The following DNPH1 variants were observed in gnomAD, a reference collection of about 807,000 sequenced individuals.
DNPH1 encodes the protein 2'-deoxynucleoside 5'-phosphate N-hydrolase 1.
In DNPH1, 18 loss-of-function variants were observed where a neutral mutation model predicts 15.7. That is an observed-to-expected ratio of 1.15 (90% CI 0.79 to 1.70). The LOEUF is 1.70. Ranked by LOEUF, DNPH1 falls within the 40% of genes most tolerant of loss-of-function variation. The pLI, the probability that DNPH1 is intolerant of heterozygous loss-of-function variation, is 0.00. For synonymous variants in DNPH1, 114 were observed against 107.9 expected (o/e 1.06, Z -0.35); for missense variants, 262 against 255.2 (o/e 1.03, Z -0.18).
rs2233823 is a variant in DNPH1, at chr6:43,226,209, G to A, written c.266-66C>T. 148,759 of 1,603,580 alleles carry A rather than the reference G, an allele frequency of 0.093. 7,511 individuals are homozygous for A. Among genetic ancestry groups the A allele is most frequent in the Non-Finnish European group, 0.1 (121,468 of 1,176,046 alleles). On this transcript the variant is annotated intron_variant, in intron 2 of 3. Coordinates refer to ENST00000230431, the MANE Select transcript of DNPH1 (RefSeq NM_006443.3). The surrounding 1 kb of genome is among the most constrained non-coding windows in gnomAD (Gnocchi z 4.1). ...CTTGAGGTTCATAAGGAAGACGACG[G>A]TGTGGCTGTGGTGAGGAGGGAACTC...
In DNPH1 at chr6:43,226,486, G is replaced by A; in HGVS notation, c.197-91C>T. ...GTATGTCCATACCCACCCTGCTCAG[G>A]GAGGGTGGGAGCCTTGTGCCAGATG... On this transcript the variant is annotated intron_variant, in intron 1 of 3. Coordinates refer to ENST00000230431, the MANE Select transcript of DNPH1 (RefSeq NM_006443.3). This position sits in a 1 kb window ranked among gnomAD's most constrained non-coding sequence, Gnocchi z 4.1. 1.7e-6 allele frequency: 2 copies of A among 1,186,392 alleles called. No individual in the cohort carries two copies. The highest frequency in any genetic ancestry group is 2.6e-5 in the East Asian group (1 of 38,814). The allele number at this position is 1,186,392 out of a possible 1,614,324, so 73.5% of individuals were successfully genotyped here. A position where few individuals can be genotyped will look rare whatever the true frequency, so the allele number is the denominator to read the frequency against.
In DNPH1 at chr6:43,229,407, TC is replaced by T. The variant is rs1214173261; in HGVS notation, c.49del (p.Glu17SerfsTer78). The T allele has an allele frequency of 1.4e-6, 2 of 1,425,240 alleles. No individual in the cohort carries two copies. The highest frequency in any genetic ancestry group is 9.2e-7 in the Non-Finnish European group (1 of 1,085,838). The allele number at this position is 1,425,240 out of a possible 1,614,324, so 88.3% of individuals were successfully genotyped here. ...GAAGTACAGGGCCGGGCGGCCAGGC[TC>T]CCCGCGCTCCCAGCTCTCGCTGCGC... ...PGRSESWERGEPGRPALYFCG... is the reference protein window; with the variant it reads ...PGRSESWERGXPGRPALYFCG... On this transcript the variant is annotated frameshift_variant, in exon 1 of 4. Coordinates refer to ENST00000230431, the MANE Select transcript of DNPH1 (RefSeq NM_006443.3). LOFTEE classifies it high-confidence loss of function.
rs1300331488 is a variant in DNPH1 at position 43,229,425 on chromosome 6, T to C, written c.32A>G (p.Glu11Gly). MAAAMVPGRS[E>G]SWERGEPGRP... ...GCCAGGCTCCCCGCGCTCCCAGCTCTCGCTGCGCCCCGGCACCATGGCAGC... is the reference window on the plus strand; with the variant it reads ...GCCAGGCTCCCCGCGCTCCCAGCTCCCGCTGCGCCCCGGCACCATGGCAGC... Residue 11 changes from glutamate to glycine, a missense_variant, in exon 1 of 4, where the codon GAG becomes GGG. Glu to Gly is a moderately conservative substitution (Grantham distance 98). Coordinates refer to ENST00000230431, the MANE Select transcript of DNPH1 (RefSeq NM_006443.3). 7.1e-7 allele frequency: 1 copy of C among 1,406,754 alleles called. No individual in the cohort carries two copies. The highest frequency in any genetic ancestry group is 9.3e-7 in the Non-Finnish European group (1 of 1,076,720). The allele number at this position is 1,406,754 out of a possible 1,614,324, so 87.1% of individuals were successfully genotyped here. A position where few individuals can be genotyped will look rare whatever the true frequency, so the allele number is the denominator to read the frequency against.
chr6:43,229,255 C>A lies in DNPH1; in HGVS notation c.196+6G>T. The A allele has an allele frequency of 1.4e-6, 2 of 1,412,130 alleles. No homozygotes were observed. Among genetic ancestry groups the A allele is most frequent in the Non-Finnish European group, 1.8e-6 (2 of 1,081,606 alleles). The allele number at this position is 1,412,130 out of a possible 1,614,324, so 87.5% of individuals were successfully genotyped here. ...GTCCCCGCGTCCCGCGGCCCCAGGGCCTCACCGCGCGCGCCCAGCTCGGCG... is the reference window on the plus strand; with the variant it reads ...GTCCCCGCGTCCCGCGGCCCCAGGGACTCACCGCGCGCGCCCAGCTCGGCG... On this transcript the variant is annotated splice_donor_region_variant and intron_variant, in intron 1 of 3. Transcript: ENST00000230431.
At position 43,229,470 on chromosome 6, in the gene DNPH1, GC is replaced by G; in HGVS notation, c.-15del. On this transcript the variant is annotated 5_prime_UTR_variant, in exon 1 of 4. Transcript: ENST00000230431. ...GGCAGCAGCCATTCCCCAGCCGCCC[GC>G]GCTCTCCGGCGCCAGGGGGCGCCAG... The G allele has an allele frequency of 1.6e-6, 2 of 1,284,598 alleles. No individual in the cohort carries two copies. Among genetic ancestry groups the G allele is most frequent in the Non-Finnish European group, 2.0e-6 (2 of 1,018,366 alleles). 79.6% of individuals were successfully genotyped at this position (1,284,598 alleles called of 1,614,324 possible).
chr6:43,226,566 A>G lies in DNPH1; in HGVS notation c.197-171T>C, dbSNP rs1776746797. 4.9e-6 allele frequency: 3 copies of G among 615,574 alleles called. No homozygotes were observed. Among genetic ancestry groups the G allele is most frequent in the Admixed American group, 3.2e-5 (1 of 31,498 alleles). The allele number at this position is 615,574 out of a possible 1,614,324, so 38.1% of individuals were successfully genotyped here. On this transcript the variant is annotated intron_variant, in intron 1 of 3. Coordinates refer to ENST00000230431, the MANE Select transcript of DNPH1 (RefSeq NM_006443.3). This position sits in a 1 kb window ranked among gnomAD's most constrained non-coding sequence, Gnocchi z 4.1. ...GCAGCGAGGAAATGGAATAGCCACAAAAAGAAAAATTCAACCCTATGCAAG... is the reference window on the plus strand; with the variant it reads ...GCAGCGAGGAAATGGAATAGCCACAGAAAGAAAAATTCAACCCTATGCAAG...
intron 1 of DNPH1, among the ~76,000 whole-genome samples, chr6:43,228,761 G>C (rs1472088914): frequency 6.6e-6 from 1 of 151,910 alleles, no homozygotes; most frequent in Non-Finnish European, 1.5e-5. Context: ...GGGAGGTCGA[G>C]GTTGCAGTGA....
rs939257577 is a variant in DNPH1 at position 43,229,151 on chromosome 6, G to A, written c.196+110C>T. ...CACCGGGGTAGGAGGGCGGGCTCCG[G>A]GCGCCGGGAGCGCAGCTGCCGGGGG... On this transcript the variant is annotated intron_variant, in intron 1 of 3. Transcript: ENST00000230431. The A allele has an allele frequency of 1.2e-4, 142 of 1,143,164 alleles. No homozygotes were observed. In the African/African-American group the frequency reaches 1.9e-3, roughly 15 times the overall value. The allele number at this position is 1,143,164 out of a possible 1,614,324, so 70.8% of individuals were successfully genotyped here. A position where few individuals can be genotyped will look rare whatever the true frequency, so the allele number is the denominator to read the frequency against.
intron 1 of DNPH1, chr6:43,229,038 G>A (rs1461713750): frequency 2.2e-6 from 1 of 460,348 alleles, no homozygotes; most frequent in Non-Finnish European, 4.1e-6. Context: ...AGATAATGCT[G>A]AGTCTGCCTT....
chr6:43,227,377 T>C (rs1353479718), intron 1 of DNPH1, among the ~76,000 whole-genome samples: 3 of 151,800 alleles, frequency 2.0e-5, no homozygotes, highest in Non-Finnish European at 2.9e-5. Context: ...ATCACTCCAC[T>C]GCACTCCACC....
In DNPH1 at chr6:43,226,090, G is replaced by A. The variant is rs764019277; in HGVS notation, c.319C>T (p.Arg107Trp). The change falls in exon 3 of 4, where the codon CGG becomes TGG. Residue 107 changes from arginine to tryptophan, a missense_variant. Transcript: ENST00000230431. This position sits in a 1 kb window ranked among gnomAD's most constrained non-coding sequence, Gnocchi z 4.1. The stretch of plus-strand genomic sequence containing the variant: ...ATCCGCTTGTTAAAGGCCACGGCCC[G>A]GCCCAGCTCATAGCCTACACCCAAG... Reference protein sequence around the residue: ...PSLGVGYELGRAVAFNKRILC... With the variant: ...PSLGVGYELGWAVAFNKRILC... 11 of 1,613,524 alleles carry A rather than the reference G, an allele frequency of 6.8e-6. No individual in the cohort carries two copies. Among genetic ancestry groups the A allele is most frequent in the African/African-American group, 4.0e-5 (3 of 74,938 alleles).
Position 43,229,392 on chromosome 6 carries a change from G to A in DNPH1, c.65C>T (p.Ala22Val). 6.9e-7 allele frequency: 1 copy of A among 1,453,986 alleles called. No homozygotes were observed. The highest frequency in any genetic ancestry group is 9.1e-7 in the Non-Finnish European group (1 of 1,101,714). 90.1% of individuals were successfully genotyped at this position (1,453,986 alleles called of 1,614,324 possible). ...GCGAATGCTCCCGCAGAAGTACAGGGCCGGGCGGCCAGGCTCCCCGCGCTC... is the reference window on the plus strand; with the variant it reads ...GCGAATGCTCCCGCAGAAGTACAGGACCGGGCGGCCAGGCTCCCCGCGCTC... ...SWERGEPGRP[A>V]LYFCGSIRGG... The change falls in exon 1 of 4, where the codon GCC (alanine) becomes GTC (valine). Residue 22 changes from alanine (A) to valine (V), a missense_variant. By Grantham distance (64) the Ala-to-Val change is moderately conservative. Coordinates refer to ENST00000230431, the MANE Select transcript of DNPH1 (RefSeq NM_006443.3).
chr6:43,229,201 C>T (rs1018925192), intron 1 of DNPH1, 60 bp downstream of exon 1: 2 of 1,283,930 alleles, frequency 1.6e-6, no homozygotes, highest in Non-Finnish European at 2.0e-6. Flanking sequence ...AGGCCGGGTC[C>T]CTGCCACCCC....
chr6:43,226,295 G>A lies in DNPH1; in HGVS notation c.265+32C>T. The A allele has an allele frequency of 1.2e-6, 2 of 1,609,182 alleles. No homozygotes were observed. The highest frequency in any genetic ancestry group is 1.7e-6 in the Non-Finnish European group (2 of 1,178,548). ...CAGGGGAACCCAGCACTCCAGAGGAGTTAGGTGCTGGAAGGAGGGAGCGCC... is the reference window on the plus strand; with the variant it reads ...CAGGGGAACCCAGCACTCCAGAGGAATTAGGTGCTGGAAGGAGGGAGCGCC... On this transcript the variant is annotated intron_variant, in intron 2 of 3. Coordinates refer to ENST00000230431, the MANE Select transcript of DNPH1 (RefSeq NM_006443.3). This position sits in a 1 kb window ranked among gnomAD's most constrained non-coding sequence, Gnocchi z 4.1.
At chr6:43,229,202 C>G in intron 1 of DNPH1, 59 bp downstream of exon 1, 1 of 1,287,828 alleles carries the variant, frequency 7.8e-7, no homozygotes, top group Non-Finnish European at 9.8e-7. Context: ...GGCCGGGTCC[C>G]TGCCACCCCA....
intron 1 of DNPH1, among the ~76,000 whole-genome samples, chr6:43,228,439 G>A (rs1562072256): frequency 1.3e-5 from 2 of 151,496 alleles, no homozygotes; most frequent in East Asian, 2.0e-4. Context: ...GCGACAGAGA[G>A]GCCCTTGTAT....
chr6:43,229,370 A>T lies in DNPH1; in HGVS notation c.87T>A (p.Ile29=). 6.7e-7 allele frequency: 1 copy of T among 1,486,646 alleles called. No homozygotes were observed. The highest frequency in any genetic ancestry group is 1.3e-5 in the South Asian group (1 of 77,354). The allele number at this position is 1,486,646 out of a possible 1,614,324, so 92.1% of individuals were successfully genotyped here. A position where few individuals can be genotyped will look rare whatever the true frequency, so the allele number is the denominator to read the frequency against. Residue 29 remains isoleucine (I), a synonymous_variant, in exon 1 of 4, where the codon ATT becomes ATA. Coordinates refer to ENST00000230431, the MANE Select transcript of DNPH1 (RefSeq NM_006443.3). ...GCGTCCTGTCCTCGCGTCCGCCGCG[A>T]ATGCTCCCGCAGAAGTACAGGGCCG... is the stretch of plus-strand genomic sequence containing the variant. ...GRPALYFCGS[I]RGGREDRTLY... is the part of the protein sequence containing the mutation.
At chr6:43,229,210 C>T in intron 1 of DNPH1, 51 bp downstream of exon 1, 2 of 1,288,054 alleles carry the variant, frequency 1.6e-6, no homozygotes, top group Non-Finnish European at 9.8e-7. Flanking sequence ...CCCTGCCACC[C>T]CAGCCAGGTC....
chr6:43,226,483 CAGGG>C lies in DNPH1; in HGVS notation c.197-92_197-89del. The C allele has an allele frequency of 8.1e-7, 1 of 1,227,716 alleles. No individual in the cohort carries two copies. Among genetic ancestry groups the C allele is most frequent in the Non-Finnish European group, 1.1e-6 (1 of 892,082 alleles). The allele number at this position is 1,227,716 out of a possible 1,614,324, so 76.1% of individuals were successfully genotyped here. ...CTTGTATGTCCATACCCACCCTGCT[CAGGG>C]AGGGTGGGAGCCTTGTGCCAGATGA... On this transcript the variant is annotated intron_variant, in intron 1 of 3. Coordinates refer to ENST00000230431, the MANE Select transcript of DNPH1 (RefSeq NM_006443.3). This position sits in a 1 kb window ranked among gnomAD's most constrained non-coding sequence, Gnocchi z 4.1.
Sources: allele counts gnomAD v4.1 joint callset (sites outside exome capture counted in the v4.1 genomes callset), GRCh38; gene constraint gnomAD v4.1.1; non-coding constraint Gnocchi (gnomAD v3.1); transcripts MANE v1.5; gene names NCBI Gene and HGNC (gene_info 2026-07-23, HGNC 2026-07-21).